The following OSBPL7 variants were observed in gnomAD, a reference collection of about 807,000 sequenced individuals.
OSBPL7 encodes oxysterol binding protein like 7.
In OSBPL7, 66 loss-of-function variants were observed where a neutral mutation model predicts 115.8. The ratio of observed to expected loss-of-function variants is 0.57; its 90% CI spans 0.47 to 0.70. The LOEUF is 0.70. Among genes scored for constraint, OSBPL7 ranks in the 30% least tolerant of loss-of-function variants. The pLI is 0.00. For synonymous variants in OSBPL7, 441 were observed against 439.2 expected (o/e 1.00, Z -0.05); for missense variants, 902 against 1,125.5 (o/e 0.80, Z 2.84).
rs200511344 is a variant in OSBPL7 at position 47,809,327 on chromosome 17, C to T, written c.2025+7G>A. On this transcript the variant is annotated splice_region_variant and intron_variant, in intron 19 of 22. Transcript: ENST00000007414. ...ATGGATGGGCAGGGTCAGGGTGGCACACACACCTTGCAGAAGGTGATCTTG... is the reference window on the plus strand; with the variant it reads ...ATGGATGGGCAGGGTCAGGGTGGCATACACACCTTGCAGAAGGTGATCTTG... The T allele has an allele frequency of 9.3e-6, 15 of 1,613,810 alleles. No homozygotes were observed. The African/African-American group carries it at 1.6e-4, about 17-fold the overall frequency.
chr17:47,814,898 C>G (rs929972446), intron 13 of OSBPL7: 1 of 561,028 alleles, frequency 1.8e-6, no homozygotes, highest in Non-Finnish European at 3.2e-6. Flanking sequence ...TACTGAGGGT[C>G]AGGGTTTTGG....
At position 47,808,441 on chromosome 17, in the gene OSBPL7, A is replaced by C. The variant is rs2032925983; in HGVS notation, c.2421-42T>G. ...GTGGCAGTGAGGGGTGAACATCTAG[A>C]AGGCAGGCTAGGGTCCTAAGGTGCT... is the stretch of plus-strand genomic sequence containing the variant. On this transcript the variant is annotated intron_variant, in intron 22 of 22. Coordinates refer to ENST00000007414, the MANE Select transcript of OSBPL7 (RefSeq NM_145798.3). The surrounding 1 kb of genome is among the most constrained non-coding windows in gnomAD (Gnocchi z 6.1). The C allele has an allele frequency of 6.2e-7, 1 of 1,613,526 alleles. No homozygotes were observed. Among genetic ancestry groups the C allele is most frequent in the Admixed American group, 1.7e-5 (1 of 59,990 alleles).
chr17:47,808,648 C>G lies in OSBPL7; in HGVS notation c.2310G>C (p.Glu770Asp), dbSNP rs774137280. ...GGGCCTCAGCGGCCTGTATGTTCCCCTCCTCCAGGTACCTGAGGATCCAGA... is the reference window on the plus strand; with the variant it reads ...GGGCCTCAGCGGCCTGTATGTTCCCGTCCTCCAGGTACCTGAGGATCCAGA... ...RLRPDQRYLE[E>D]GNIQAAEAQK... The change falls in exon 22 of 23, where the codon GAG becomes GAC. Residue 770 changes from glutamate (E) to aspartate (D), a missense_variant. Physicochemically the swap from Glu to Asp is conservative, Grantham distance 45. This residue lies in a region of OSBPL7 where 230 missense variants were observed against 312.7 expected (regional missense o/e 0.74). Coordinates refer to ENST00000007414, the MANE Select transcript of OSBPL7 (RefSeq NM_145798.3). The surrounding 1 kb of genome is among the most constrained non-coding windows in gnomAD (Gnocchi z 6.1). 2.5e-6 allele frequency: 4 copies of G among 1,614,228 alleles called. No homozygotes were observed. Among genetic ancestry groups the G allele is most frequent in the Non-Finnish European group, 2.5e-6 (3 of 1,180,032 alleles).
chr17:47,815,749 G>A (rs146206605), intron 12 of OSBPL7: 17 of 314,140 alleles, frequency 5.4e-5, no homozygotes, highest in African/African-American at 3.7e-4. Context: ...AGCCAGATTT[G>A]AACCCGTGGA....
At chr17:47,815,624 G>T in intron 12 of OSBPL7, 1 of 488,436 alleles carries the variant, frequency 2.0e-6, no homozygotes, top group African/African-American at 1.9e-5. Context: ...CAAGCCCTCT[G>T]TGTGCACTAA....
Position 47,813,397 on chromosome 17 carries a change from T to C in OSBPL7, c.1606A>G (p.Ile536Val), listed in dbSNP as rs747625246. 9 of 1,613,876 alleles carry C rather than the reference T, an allele frequency of 5.6e-6. No individual in the cohort carries two copies. The highest frequency in any genetic ancestry group is 7.6e-6 in the Non-Finnish European group (9 of 1,180,014). ...IADPCERMVY[I>V]AAFAVSAYSS... ...TAGGCCGAGACAGCAAAGGCTGCGA[T>C]GTACACCTGTGGGGGGCAAGGAAGG... The change falls in exon 16 of 23, where the codon ATC (isoleucine) becomes GTC (valine). Residue 536 changes from isoleucine (I) to valine (V), a missense_variant. By Grantham distance (29) the Ile-to-Val change is conservative. This residue lies in a region of OSBPL7 where 667 missense variants were observed against 788.7 expected (regional missense o/e 0.85). Transcript: ENST00000007414.
In OSBPL7 at chr17:47,819,023, A is replaced by G; in HGVS notation, c.332T>C (p.Ile111Thr). The G allele has an allele frequency of 6.2e-7, 1 of 1,614,070 alleles. No homozygotes were observed. Among genetic ancestry groups the G allele is most frequent in the Non-Finnish European group, 8.5e-7 (1 of 1,179,978 alleles). Residue 111 changes from isoleucine (I) to threonine (T), a missense_variant, in exon 5 of 23, where the codon ATT (isoleucine) becomes ACT (threonine). Around this residue, in one of 3 missense-constraint regions of OSBPL7, gnomAD observed 667 missense variants for 788.7 expected, o/e 0.85. Transcript: ENST00000007414. ...GATGTTGTCTTCAGTGTCAAGGTCA[A>G]TGCGCTGGGCCTTTTTGTTGATGGA... Reference protein sequence around the residue: ...VMSINKKAQRIDLDTEDNIYH... With the variant: ...VMSINKKAQRTDLDTEDNIYH...
rs2033199006 is a variant in OSBPL7 at position 47,815,917 on chromosome 17, TACCC to T, written c.1119+186_1119+189del. 9.3e-6 allele frequency: 5 copies of T among 535,660 alleles called. No homozygotes were observed. In the Admixed American group the frequency reaches 1.7e-4, roughly 18 times the overall value. The allele number at this position is 535,660 out of a possible 1,614,324, so 33.2% of individuals were successfully genotyped here. On this transcript the variant is annotated intron_variant, in intron 12 of 22. Transcript: ENST00000007414. ...GAGGACCCCGAATTAAAAGTAAAAG[TACCC>T]TGCACGTTGTTACACAATGATCGAG...
chr17:47,814,839 A>C, intron 13 of OSBPL7: 1 of 582,634 alleles, frequency 1.7e-6, no homozygotes, highest in Non-Finnish European at 3.0e-6. Flanking sequence ...GGCTGGCGGG[A>C]AAAAGCTCAG....
chr17:47,815,911 T>G, intron 12 of OSBPL7, 196 bp downstream of exon 12: 1 of 528,726 alleles, frequency 1.9e-6, no homozygotes, highest in Non-Finnish European at 3.4e-6. Context: ...GAATTAAAAG[T>G]AAAAGTACCC....
intron 15 of OSBPL7, 91 bp downstream of exon 15, chr17:47,813,496 A>T: frequency 6.3e-7 from 1 of 1,595,346 alleles, no homozygotes; most frequent in Non-Finnish European, 8.6e-7. Flanking sequence ...CTTCAGCAAT[A>T]AGGAACAGCC....
chr17:47,813,480 G>A (rs1422672992), intron 15 of OSBPL7, 77 bp from the exon 16 acceptor site: 3 of 1,600,798 alleles, frequency 1.9e-6, no homozygotes, highest in Non-Finnish European at 1.7e-6. Context: ...GGATCTTGGG[G>A]TGGAACTTCA....
intron 7 of OSBPL7, among the ~76,000 whole-genome samples, 169 bp from the exon 8 acceptor site, chr17:47,817,528 T>C (rs534307861): frequency 6.6e-6 from 1 of 152,236 alleles, no homozygotes; most frequent in South Asian, 2.1e-4. Context: ...TAGCTAGGAT[T>C]ACAGGTGCGC....
chr17:47,814,215 A>G (rs935034426), intron 14 of OSBPL7, among the ~76,000 whole-genome samples: 4 of 152,356 alleles, frequency 2.6e-5, no homozygotes, highest in Middle Eastern at 3.4e-3. Context: ...AAGTAAAATG[A>G]GAGGTCCAGA....
At chr17:47,819,902 C>T (rs2033343347) in intron 3 of OSBPL7, 69 bp downstream of exon 3, 3 of 1,602,836 alleles carry the variant, frequency 1.9e-6, no homozygotes, top group Non-Finnish European at 2.6e-6. Flanking sequence ...CATTGGACTG[C>T]CCAGCAGCTG....
At position 47,814,589 on chromosome 17, in the gene OSBPL7, G is replaced by C; in HGVS notation, c.1283C>G (p.Thr428Ser). 1 of 1,614,018 alleles carries C rather than the reference G, an allele frequency of 6.2e-7. No individual in the cohort carries two copies. ...AGACAGGCTGGTGGTGATTTCACTG[G>C]TACAGGACTCCTCCTCCTCTGAGCC... is the stretch of plus-strand genomic sequence containing the variant. ...NEGSEEEESC[T>S]SEITTSLSEE... Residue 428 changes from threonine to serine, a missense_variant, in exon 14 of 23, where the codon ACC (threonine) becomes AGC (serine). Transcript: ENST00000007414.
At chr17:47,819,921 TC>T in intron 3 of OSBPL7, 49 bp downstream of exon 3, 4 of 1,343,810 alleles carry the variant, frequency 3.0e-6, no homozygotes, top group Non-Finnish European at 4.2e-6. Context: ...TGCCCCCCAT[TC>T]CCACCCCGCC....
In OSBPL7 at chr17:47,816,845, T is replaced by G. The variant is rs1410077247; in HGVS notation, c.730A>C (p.Lys244Gln). ...QASVTTERPK[K>Q]GKRTSRMWCT... Reference sequence around the variant, plus strand: ...CACATGCGGCTTGTCCGTTTCCCCTTCTTGGGTCTTTCGGTTGTCACTGAG... The same window carrying G: ...CACATGCGGCTTGTCCGTTTCCCCTGCTTGGGTCTTTCGGTTGTCACTGAG... Residue 244 changes from lysine (K) to glutamine (Q), a missense_variant, in exon 9 of 23, where the codon AAG (lysine) becomes CAG (glutamine). Physicochemically the swap from Lys to Gln is moderately conservative, Grantham distance 53. Coordinates refer to ENST00000007414, the MANE Select transcript of OSBPL7 (RefSeq NM_145798.3). The surrounding 1 kb of genome is among the most constrained non-coding windows in gnomAD (Gnocchi z 5.8). The G allele has an allele frequency of 6.2e-7, 1 of 1,613,994 alleles. No homozygotes were observed. Among genetic ancestry groups the G allele is most frequent in the Admixed American group, 1.7e-5 (1 of 60,028 alleles).
chr17:47,813,796 G>A lies in OSBPL7; in HGVS notation c.1390C>T (p.Arg464Cys). ...VPGRPMGPPRRRCLPAASGPG... is the reference protein window; with the variant it reads ...VPGRPMGPPRCRCLPAASGPG... ...CCGCTGGCCGCCGGCAGGCAGCGAC[G>A]GCGGGGTGGCCCCATGGGTCTCCCT... The change falls in exon 15 of 23, where the codon CGT becomes TGT. Residue 464 changes from arginine (R) to cysteine (C), a missense_variant. Physicochemically the swap from Arg to Cys is radical, Grantham distance 180. This residue lies in a region of OSBPL7 where 667 missense variants were observed against 788.7 expected (regional missense o/e 0.85). Transcript: ENST00000007414. 5.0e-6 allele frequency: 8 copies of A among 1,612,238 alleles called. No individual in the cohort carries two copies. In the African/African-American group the frequency reaches 5.3e-5, roughly 11 times the overall value.
Sources: gnomAD v4.1 joint callset for allele counts (sites outside exome capture counted in the v4.1 genomes callset) on GRCh38, gnomAD v4.1.1 for gene constraint, gnomAD v4.1.1 regional missense constraint, Gnocchi (gnomAD v3.1) non-coding constraint, MANE v1.5 for transcripts, NCBI Gene and HGNC (gene_info 2026-07-23, HGNC 2026-07-21) for gene names.